The following RAPGEF5 variants were observed in gnomAD, a reference collection of about 807,000 sequenced individuals.
The protein encoded by RAPGEF5 is M-Ras-regulated GEF.
A neutral mutation model predicts 125.2 loss-of-function variants in RAPGEF5; 65 were observed. The observed-to-expected ratio is 0.52, with a 90% CI of 0.43 to 0.64. RAPGEF5 has a LOEUF of 0.64. RAPGEF5 is among the 30% of genes least tolerant of loss of function. The probability of loss-of-function intolerance (pLI) is 0.00; values close to 1 mark genes in which losing one functional copy is unlikely to be tolerated. For synonymous variants in RAPGEF5, 391 were observed against 385.9 expected (o/e 1.01, Z -0.16); for missense variants, 958 against 1,048.1 (o/e 0.91, Z 1.19).
In RAPGEF5 at chr7:22,230,886, T is replaced by A; in HGVS notation, c.830A>T (p.His277Leu). 1 of 1,564,502 alleles carries A rather than the reference T, an allele frequency of 6.4e-7. No homozygotes were observed. Among genetic ancestry groups the A allele is most frequent in the Non-Finnish European group, 8.7e-7 (1 of 1,152,518 alleles). The change falls in exon 8 of 26, where the codon CAT (histidine) becomes CTT (leucine). Residue 277 changes from histidine to leucine, a missense_variant. His to Leu is a moderately conservative substitution (Grantham distance 99). Transcript: ENST00000665637. ...IEQDEENNDK[H>L]VAVTEAESVP... ...ACTTTCGGCTTCTGTTACAGCTACA[T>A]GTTTGTCGTTGTTTTCTTCATCTTG...
intron 3 of RAPGEF5, among the ~76,000 whole-genome samples, chr7:22,310,458 G>T (rs2128153010): frequency 6.6e-6 from 1 of 152,294 alleles, no homozygotes; most frequent in East Asian, 1.9e-4. Flanking sequence ...ACAGTAAGTT[G>T]TCAAAATATA....
At chr7:22,163,326 A>C (rs1004133306) in intron 12 of RAPGEF5, among the ~76,000 whole-genome samples, 8 of 152,242 alleles carry the variant, frequency 5.3e-5, no homozygotes, top group Non-Finnish European at 1.0e-4. Flanking sequence ...TTATATATGC[A>C]TTTAACGGAC....
chr7:22,136,250 A>G, intron 22 of RAPGEF5, 125 bp from the exon 23 acceptor site: 1 of 642,616 alleles, frequency 1.6e-6, no homozygotes, highest in Non-Finnish European at 2.5e-6. Flanking sequence ...CTAAGAACAA[A>G]GTAGATAAAG....
At chr7:22,229,882 A>T (rs188329993) in intron 8 of RAPGEF5, among the ~76,000 whole-genome samples, 10 of 152,334 alleles carry the variant, frequency 6.6e-5, no homozygotes, top group Admixed American at 2.6e-4. Flanking sequence ...TAATCTAATT[A>T]TCAATCTACT....
intron 18 of RAPGEF5, among the ~76,000 whole-genome samples, chr7:22,148,591 TTTTA>T (rs1783519335): frequency 1.3e-5 from 2 of 152,178 alleles, no homozygotes; most frequent in Admixed American, 6.5e-5. Flanking sequence ...AGTAGGACAA[TTTTA>T]GGTGGTGTCA....
chr7:22,164,311 A>G (rs1037435694), intron 12 of RAPGEF5, among the ~76,000 whole-genome samples: 15 of 152,196 alleles, frequency 9.9e-5, no homozygotes, highest in African/African-American at 3.6e-4. Context: ...AGCCTAGGTA[A>G]CAGAGCAAGA....
intron 1 of RAPGEF5, among the ~76,000 whole-genome samples, chr7:22,325,568 T>C (rs1324952119): frequency 6.6e-6 from 1 of 152,068 alleles, no homozygotes; most frequent in Non-Finnish European, 1.5e-5. Flanking sequence ...AAATTATAAA[T>C]ATATGTAATT....
intron 6 of RAPGEF5, among the ~76,000 whole-genome samples, chr7:22,286,660 C>T (rs1481198268): frequency 6.6e-6 from 1 of 152,182 alleles, no homozygotes; most frequent in Non-Finnish European, 1.5e-5. Flanking sequence ...CAAAGTTTAG[C>T]TGATTTCCTA....
intron 24 of RAPGEF5, among the ~76,000 whole-genome samples, chr7:22,128,132 G>A (rs1367969678): frequency 6.6e-6 from 1 of 152,152 alleles, no homozygotes; most frequent in Admixed American, 6.5e-5. Flanking sequence ...AGTGGGTGTG[G>A]CATTGAAACC....
intron 8 of RAPGEF5, among the ~76,000 whole-genome samples, chr7:22,224,116 T>C (rs1460693725): frequency 7.2e-5 from 11 of 152,134 alleles, no homozygotes; most frequent in Admixed American, 7.2e-4. Flanking sequence ...GGAAGTAGAA[T>C]AAAGATTGCC....
chr7:22,225,069 G>A (rs1436968616), intron 8 of RAPGEF5, among the ~76,000 whole-genome samples: 2 of 152,146 alleles, frequency 1.3e-5, no homozygotes, highest in Non-Finnish European at 2.9e-5. Flanking sequence ...AAAGCAGGAG[G>A]ATTGCTTGAG....
intron 19 of RAPGEF5, among the ~76,000 whole-genome samples, chr7:22,145,960 T>TTGTGTGCGTGTG (rs1783424598): frequency 2.0e-5 from 3 of 148,230 alleles, no homozygotes; most frequent in Non-Finnish European, 1.5e-5. Flanking sequence ...TTAAATGTGT[T>TTGTGTGCGTGTG]TGTGTGCGTG....
At chr7:22,270,222 T>A (rs1782386047) in intron 6 of RAPGEF5, among the ~76,000 whole-genome samples, 2 of 152,178 alleles carry the variant, frequency 1.3e-5, no homozygotes, top group African/African-American at 4.8e-5. Flanking sequence ...AGCAAGCAGC[T>A]CCAGCTTCTC....
chr7:22,199,620 C>T (rs1055599224), intron 9 of RAPGEF5, among the ~76,000 whole-genome samples: 3 of 150,470 alleles, frequency 2.0e-5, no homozygotes, highest in African/African-American at 4.9e-5. Context: ...CATGAATCTG[C>T]CCCAGGGAGC....
At chr7:22,154,073 C>T (rs1211889225) in intron 17 of RAPGEF5, among the ~76,000 whole-genome samples, 2 of 152,160 alleles carry the variant, frequency 1.3e-5, no homozygotes. Flanking sequence ...AAATTGTCAG[C>T]CCGCAATAGG....
At chr7:22,195,873 C>A (rs970031098) in intron 9 of RAPGEF5, among the ~76,000 whole-genome samples, 2 of 152,226 alleles carry the variant, frequency 1.3e-5, no homozygotes, top group African/African-American at 4.8e-5. Flanking sequence ...CGCCAATACT[C>A]ATTTTATATG....
chr7:22,275,302 G>A (rs747186522), intron 6 of RAPGEF5, among the ~76,000 whole-genome samples: 2 of 152,126 alleles, frequency 1.3e-5, no homozygotes, highest in African/African-American at 2.4e-5. Context: ...TTATAAGCCC[G>A]CTGAAATGGA....
intron 11 of RAPGEF5, among the ~76,000 whole-genome samples, chr7:22,177,066 T>C (rs893732668): frequency 3.3e-5 from 5 of 152,130 alleles, no homozygotes; most frequent in African/African-American, 4.8e-5. Flanking sequence ...GGAAGACTCA[T>C]GTTTTTGGGT....
intron 16 of RAPGEF5, 110 bp from the exon 17 acceptor site, chr7:22,154,714 A>G (rs1783749528): frequency 8.1e-7 from 1 of 1,227,546 alleles, no homozygotes; most frequent in Admixed American, 2.3e-5. Flanking sequence ...CCACCTGGCT[A>G]TTCTCTTCAG....
Sources: gnomAD v4.1 joint callset for allele counts (sites outside exome capture counted in the v4.1 genomes callset) on GRCh38, gnomAD v4.1.1 for gene constraint, MANE v1.5 for transcripts, NCBI Gene and HGNC (gene_info 2026-07-23, HGNC 2026-07-21) for gene names.